The following MBNL2 variants were observed in gnomAD, a reference collection of about 807,000 sequenced individuals.
MBNL2 encodes the protein muscleblind-like protein 2.
In MBNL2, 17 loss-of-function variants were observed where a neutral mutation model predicts 41.9. That is an observed-to-expected ratio of 0.41 (90% CI 0.28 to 0.61). The LOEUF is 0.61. Ranked by LOEUF, MBNL2 falls within the 20% of genes least tolerant of loss-of-function variation. The probability of loss-of-function intolerance (pLI) is 0.35; values close to 1 mark genes in which losing one functional copy is unlikely to be tolerated. For synonymous variants in MBNL2, 195 were observed against 182.9 expected (o/e 1.07, Z -0.53); for missense variants, 336 against 505.6 (o/e 0.66, Z 3.22).
rs570728611 is a variant in MBNL2, at chr13:97,338,260, G to C, written c.339+3820G>C. On this transcript the variant is annotated intron_variant, in intron 3 of 8. Transcript: ENST00000679496. ...CCTCTGCCTCTGCTGGCCTGTCCAT[G>C]TCTTAGTGCTTTTCACACATTAACT... 3.3e-5 allele frequency among the ~76,000 whole-genome samples: 5 copies of C among 152,254 alleles called. No individual in the cohort carries two copies. In the East Asian group the frequency reaches 9.7e-4, roughly 29 times the overall value.
At chr13:97,164,159 A>T in the MBNL2 span, among the ~76,000 whole-genome samples, 1 of 152,138 alleles carries the variant, frequency 6.6e-6, no homozygotes, top group Non-Finnish European at 1.5e-5. Context: ...GGTGTGCACC[A>T]CCATGTCCAG....
the MBNL2 span, among the ~76,000 whole-genome samples, chr13:97,176,164 T>C: frequency 6.6e-6 from 1 of 152,088 alleles, no homozygotes; most frequent in South Asian, 2.1e-4. Context: ...GCCAGGGACA[T>C]GCTGGGTCTG....
At chr13:97,173,848 C>T in the MBNL2 span, among the ~76,000 whole-genome samples, 3 of 152,156 alleles carry the variant, frequency 2.0e-5, no homozygotes, top group African/African-American at 4.8e-5. Context: ...CAGTACTTAT[C>T]GGATACCTCC....
the MBNL2 span, among the ~76,000 whole-genome samples, chr13:97,208,538 G>T: frequency 1.3e-5 from 2 of 152,236 alleles, no homozygotes; most frequent in East Asian, 1.9e-4. Flanking sequence ...ATCTCCCGGG[G>T]TGTAGAAACC....
the MBNL2 span, among the ~76,000 whole-genome samples, chr13:97,177,197 G>T: frequency 6.6e-6 from 1 of 152,070 alleles, no homozygotes; most frequent in East Asian, 1.9e-4. Context: ...AAATTAGCCA[G>T]GCATGGTGGC....
chr13:97,150,134 C>G, the MBNL2 span, among the ~76,000 whole-genome samples: 1 of 152,208 alleles, frequency 6.6e-6, no homozygotes, highest in Non-Finnish European at 1.5e-5. Context: ...CCTACACTCA[C>G]TGCTGGTGGG....
chr13:97,272,421 A>T (rs906279448), intron 1 of MBNL2, among the ~76,000 whole-genome samples: 2 of 152,112 alleles, frequency 1.3e-5, no homozygotes, highest in East Asian at 1.9e-4. Context: ...CTCTAATGAT[A>T]GTTTCTTTCG....
At chr13:97,330,149 A>G (rs2153057209) in intron 2 of MBNL2, among the ~76,000 whole-genome samples, 1 of 152,336 alleles carries the variant, frequency 6.6e-6, no homozygotes, top group Middle Eastern at 3.4e-3. Flanking sequence ...ATCTCAAGAA[A>G]TATTTGTTGA....
intron 2 of MBNL2, among the ~76,000 whole-genome samples, chr13:97,282,894 G>A (rs1158168770): frequency 6.6e-6 from 1 of 152,212 alleles, no homozygotes; most frequent in Non-Finnish European, 1.5e-5. Flanking sequence ...ATCTGGCACA[G>A]AGCAGAAGTG....
chr13:97,144,423 C>CTTTTTTTTT, the MBNL2 span, among the ~76,000 whole-genome samples: 504 of 117,998 alleles, frequency 4.3e-3, 13 homozygotes, highest in African/African-American at 9.2e-3. Context: ...CATGATACTT[C>CTTTTTTTTT]TTTTTTTTTT....
chr13:97,243,764 G>A (rs1228212970), intron 1 of MBNL2, among the ~76,000 whole-genome samples: 1 of 152,160 alleles, frequency 6.6e-6, no homozygotes, highest in African/African-American at 2.4e-5. Context: ...CGAATTAAGA[G>A]CTAAATTTGC....
chr13:97,277,250 G>A (rs1313023989), intron 2 of MBNL2, among the ~76,000 whole-genome samples: 6 of 152,146 alleles, frequency 3.9e-5, no homozygotes, highest in Non-Finnish European at 5.9e-5. Flanking sequence ...ATGCTGGGGG[G>A]TGTATTCAGC....
chr13:97,218,214 T>C (rs981756809), upstream of MBNL2, among the ~76,000 whole-genome samples: 1 of 151,880 alleles, frequency 6.6e-6, no homozygotes, highest in Non-Finnish European at 1.5e-5. Context: ...ATTGAGACCA[T>C]CCTGGATAGC....
At chr13:97,230,368 TGAG>T (rs1195416840) in intron 1 of MBNL2, among the ~76,000 whole-genome samples, 2 of 152,206 alleles carry the variant, frequency 1.3e-5, no homozygotes, top group Non-Finnish European at 2.9e-5. Context: ...TGGGCGATGA[TGAG>T]TTTTTAGACT....
the MBNL2 span, among the ~76,000 whole-genome samples, chr13:97,155,381 C>CTTTTTTTTT: frequency 7.1e-6 from 1 of 139,880 alleles, no homozygotes; most frequent in African/African-American, 2.6e-5. Context: ...AAGTAATTTT[C>CTTTTTTTTT]TTTTTTTTTT....
intron 7 of MBNL2, among the ~76,000 whole-genome samples, chr13:97,363,694 T>C (rs1206129808): frequency 6.6e-6 from 1 of 152,034 alleles, no homozygotes; most frequent in East Asian, 1.9e-4. Flanking sequence ...CATTTATGTG[T>C]AGGTAGATTT....
At chr13:97,172,633 TG>T in the MBNL2 span, 1 of 152,214 alleles carries the variant, frequency 6.6e-6, no homozygotes, top group Non-Finnish European at 1.5e-5. Flanking sequence ...TTTATCAAAT[TG>T]GTCGTAGCAT....
intron 7 of MBNL2, among the ~76,000 whole-genome samples, chr13:97,358,250 C>T (rs1398557420): frequency 1.3e-5 from 2 of 152,118 alleles, no homozygotes; most frequent in Non-Finnish European, 2.9e-5. Flanking sequence ...GTCATAGAAT[C>T]TTAGAGTTTA....
chr13:97,352,037 T>A (rs199587871), intron 5 of MBNL2, among the ~76,000 whole-genome samples: 1 of 72,526 alleles, frequency 1.4e-5, no homozygotes. Flanking sequence ...AATAAAAATA[T>A]AAATAAATAA....
Sources: gnomAD v4.1 joint callset for allele counts (sites outside exome capture counted in the v4.1 genomes callset) on GRCh38, gnomAD v4.1.1 for gene constraint, MANE v1.5 for transcripts, NCBI Gene and HGNC (gene_info 2026-07-23, HGNC 2026-07-21) for gene names.